Variants in NEMP2 observed in about 807,000 individuals in gnomAD.
The protein encoded by NEMP2 is nuclear envelope integral membrane protein 2.
Under a neutral mutation model 54.2 loss-of-function variants are expected in NEMP2, and 53 were observed. The observed-to-expected ratio is 0.98, with a 90% CI of 0.78 to 1.23. The LOEUF is 1.23. Among genes scored for constraint, NEMP2 ranks in the 50% most tolerant of loss-of-function variants. The pLI, the probability that NEMP2 is intolerant of heterozygous loss-of-function variation, is 0.00. For missense variants in NEMP2, 455 were observed against 511.3 expected, an observed-to-expected ratio of 0.89 and a Z score of 1.06; for synonymous variants, 197 against 190.3, an observed-to-expected ratio of 1.04 and a Z score of -0.29.
At chr2:190,576,765 G>A in the NEMP2 span, among the ~76,000 whole-genome samples, 13 of 152,272 alleles carry the variant, frequency 8.5e-5, no homozygotes, top group East Asian at 9.6e-4. Context: ...GCCTGGACAC[G>A]TGAGGCTGAA....
the NEMP2 span, among the ~76,000 whole-genome samples, chr2:190,445,623 C>T: frequency 1.3e-5 from 2 of 152,058 alleles, no homozygotes; most frequent in Non-Finnish European, 2.9e-5. Context: ...TACTACCATT[C>T]GGATACATAA....
Position 190,507,316 on chromosome 2 carries a change from T to C in NEMP2, c.*1873A>G, listed in dbSNP as rs1329533275. 1 of 152,170 alleles carries C rather than the reference T, an allele frequency of 6.6e-6. No individual in the cohort carries two copies. Among genetic ancestry groups the C allele is most frequent in the East Asian group, 1.9e-4 (1 of 5,186 alleles). 9.4% of individuals were successfully genotyped at this position (152,170 alleles called of 1,614,324 possible). The stretch of plus-strand genomic sequence containing the variant: ...AGCTGCCCATGAAGAGCTGCTTCCT[T>C]CCCTCAGCAGTACCTCTTCCCCCTG... On this transcript the variant is annotated 3_prime_UTR_variant, in exon 9 of 9. Transcript: ENST00000409150. This position sits in a 1 kb window ranked among gnomAD's most constrained non-coding sequence, Gnocchi z 4.4.
At chr2:190,464,493 T>C in the NEMP2 span, among the ~76,000 whole-genome samples, 1 of 152,186 alleles carries the variant, frequency 6.6e-6, no homozygotes, top group African/African-American at 2.4e-5. Context: ...AAAAGTTCAC[T>C]TCTTTCTTCA....
At chr2:190,445,468 A>C in the NEMP2 span, among the ~76,000 whole-genome samples, 12 of 146,326 alleles carry the variant, frequency 8.2e-5, no homozygotes, top group Non-Finnish European at 1.7e-4. Flanking sequence ...AAAAAAAAAA[A>C]CCCCGACTAT....
the NEMP2 span, chr2:190,568,072 G>A: frequency 6.6e-6 from 1 of 152,262 alleles, no homozygotes; most frequent in South Asian, 2.1e-4. The surrounding 1 kb of genome is among the most constrained non-coding windows in gnomAD (Gnocchi z 4.7). Context: ...TCCTTTTACA[G>A]GAAGCTACTG....
intron 1 of NEMP2, among the ~76,000 whole-genome samples, chr2:190,532,848 T>C (rs1380176005): frequency 6.6e-6 from 1 of 152,172 alleles, no homozygotes; most frequent in Non-Finnish European, 1.5e-5. Flanking sequence ...GCTGGGCGCT[T>C]CACAGTCCGT....
the NEMP2 span, among the ~76,000 whole-genome samples, chr2:190,428,654 C>CTTAT: frequency 9.1e-3 from 990 of 108,334 alleles, 15 homozygotes; most frequent in African/African-American, 0.04. Context: ...GAGATGCTTG[C>CTTAT]TTATTTATTT....
At chr2:190,459,465 A>G in the NEMP2 span, among the ~76,000 whole-genome samples, 2 of 152,200 alleles carry the variant, frequency 1.3e-5, no homozygotes, top group Admixed American at 1.3e-4. The surrounding 1 kb of genome is among the most constrained non-coding windows in gnomAD (Gnocchi z 5.3). Flanking sequence ...ATTTTTAAAC[A>G]AAATTGTAGG....
At chr2:190,478,472 G>C in the NEMP2 span, among the ~76,000 whole-genome samples, 36 of 152,336 alleles carry the variant, frequency 2.4e-4, no homozygotes, top group Non-Finnish European at 4.4e-4. Flanking sequence ...CTGCATCACA[G>C]AAATACATTT....
the NEMP2 span, among the ~76,000 whole-genome samples, chr2:190,456,761 C>T: frequency 6.6e-6 from 1 of 152,214 alleles, no homozygotes; most frequent in East Asian, 1.9e-4. This position sits in a 1 kb window ranked among gnomAD's most constrained non-coding sequence, Gnocchi z 5.4. Context: ...TTGGCTCACC[C>T]CTCGTCCTGC....
chr2:190,511,846 G>A (rs545057796), intron 7 of NEMP2, among the ~76,000 whole-genome samples: 10 of 151,410 alleles, frequency 6.6e-5, no homozygotes, highest in African/African-American at 1.9e-4. Context: ...GAGCCACTGC[G>A]CCCGGCCTAA....
rs572684184 is a variant in NEMP2, at chr2:190,513,251, C to A, written c.953+1202G>T. Among the ~76,000 whole-genome samples the A allele has an allele frequency of 1.2e-3, 189 of 152,300 alleles. No individual in the cohort carries two copies. Among genetic ancestry groups the A allele is most frequent in the Non-Finnish European group, 2.4e-3 (164 of 68,024 alleles). ...CTTTTAAATGCCAACATTTAAAAATCCTGAGATTTCACATTCTAATCGTAA... is the reference window on the plus strand; with the variant it reads ...CTTTTAAATGCCAACATTTAAAAATACTGAGATTTCACATTCTAATCGTAA... On this transcript the variant is annotated intron_variant, in intron 7 of 8. Coordinates refer to ENST00000409150, the MANE Select transcript of NEMP2 (RefSeq NM_001142645.2). The surrounding 1 kb of genome is among the most constrained non-coding windows in gnomAD (Gnocchi z 5.3).
chr2:190,646,518 T>C, the NEMP2 span, among the ~76,000 whole-genome samples: 1 of 152,206 alleles, frequency 6.6e-6, no homozygotes, highest in Non-Finnish European at 1.5e-5. Flanking sequence ...ACATACAGAA[T>C]TGGATGCTTA....
chr2:190,492,748 C>T, the NEMP2 span, among the ~76,000 whole-genome samples: 1 of 150,876 alleles, frequency 6.6e-6, no homozygotes, highest in Non-Finnish European at 1.5e-5. This position sits in a 1 kb window ranked among gnomAD's most constrained non-coding sequence, Gnocchi z 5.2. Context: ...CAAACAAATG[C>T]TGAGAGAATT....
chr2:190,571,514 G>T, the NEMP2 span, among the ~76,000 whole-genome samples: 5 of 152,014 alleles, frequency 3.3e-5, no homozygotes, highest in Non-Finnish European at 7.4e-5. Context: ...CTGCACTTCA[G>T]TCTGGGTGAC....
chr2:190,597,805 G>A, the NEMP2 span, among the ~76,000 whole-genome samples: 1 of 152,188 alleles, frequency 6.6e-6, no homozygotes, highest in South Asian at 2.1e-4. The surrounding 1 kb of genome is among the most constrained non-coding windows in gnomAD (Gnocchi z 4.7). Flanking sequence ...AAACAACTCT[G>A]AGCATTCTTT....
rs976762468 is a variant in NEMP2, at chr2:190,529,866, C to T, written c.98-4488G>A. ...GCCTGTGCCACTGCCATCCCATTTACAGAACTGACAAAGCATGAGGGCCAG... is the reference window on the plus strand; with the variant it reads ...GCCTGTGCCACTGCCATCCCATTTATAGAACTGACAAAGCATGAGGGCCAG... On this transcript the variant is annotated intron_variant, in intron 1 of 8. Coordinates refer to ENST00000409150, the MANE Select transcript of NEMP2 (RefSeq NM_001142645.2). This position sits in a 1 kb window ranked among gnomAD's most constrained non-coding sequence, Gnocchi z 4.7. 6.6e-6 allele frequency among the ~76,000 whole-genome samples: 1 copy of T among 152,186 alleles called. No homozygotes were observed. Among genetic ancestry groups the T allele is most frequent in the Admixed American group, 6.5e-5 (1 of 15,276 alleles).
Position 190,509,217 on chromosome 2 carries a change from T to C in NEMP2, c.1226A>G (p.Glu409Gly). 6.4e-7 allele frequency: 1 copy of C among 1,551,722 alleles called. No homozygotes were observed. The highest frequency in any genetic ancestry group is 8.7e-7 in the Non-Finnish European group (1 of 1,146,998). Residue 409 changes from glutamate to glycine, a missense_variant, in exon 9 of 9, where the codon GAG becomes GGG. Glu to Gly is a moderately conservative substitution (Grantham distance 98). Transcript: ENST00000409150. The surrounding 1 kb of genome is among the most constrained non-coding windows in gnomAD (Gnocchi z 6.1). ...GGCAGTACTCGGGTTAAAGAGCTGC[T>C]CTTCCAAGAAGGCACCCCCAAGGCC... Reference protein sequence around the residue: ...QYGLGGAFLEEQLFNPSTA With the variant: ...QYGLGGAFLEGQLFNPSTA
chr2:190,552,871 A>G, the NEMP2 span, among the ~76,000 whole-genome samples: 54 of 152,190 alleles, frequency 3.5e-4, no homozygotes, highest in Non-Finnish European at 6.0e-4. Context: ...ATCCTCTAAG[A>G]ATTGTATAGC....
Sources: gnomAD v4.1 joint callset for allele counts (sites outside exome capture counted in the v4.1 genomes callset) on GRCh38, gnomAD v4.1.1 for gene constraint, Gnocchi (gnomAD v3.1) non-coding constraint, MANE v1.5 for transcripts, NCBI Gene and HGNC (gene_info 2026-07-23, HGNC 2026-07-21) for gene names.